GOLGB1: variants seen among roughly 807,000 people sequenced by gnomAD.
GOLGB1 encodes golgin subfamily B member 1.
GOLGB1 carries 174 observed loss-of-function variants against 336.9 expected under a neutral mutation model. The ratio of observed to expected loss-of-function variants is 0.52; its 90% CI spans 0.46 to 0.59. The LOEUF (loss-of-function observed/expected upper bound fraction) is 0.59, where lower values mean the gene tolerates loss of function less well. Among genes scored for constraint, GOLGB1 ranks in the 20% least tolerant of loss-of-function variants. GOLGB1 has a pLI of 0.00. For synonymous variants in GOLGB1, 1,208 were observed against 1,289.2 expected, an observed-to-expected ratio of 0.94 and a Z score of 1.35; for missense variants, 3,331 against 3,645.3, an observed-to-expected ratio of 0.91 and a Z score of 2.22.
Position 121,691,276 on chromosome 3 carries a change from T to C in GOLGB1, c.8088A>G (p.Ala2696=), listed in dbSNP as rs1265188992. Residue 2696 remains alanine (A), a synonymous_variant, in exon 14 of 22, where the codon GCA becomes GCG. Transcript: ENST00000614479. ...KKELKHLHHD[A]GIMRNETETA... Reference sequence around the variant, plus strand: ...TTTCAGTTTCATTTCTCATTATCCCTGCATCATGATGAAGATGCTTTAATT... The same window carrying C: ...TTTCAGTTTCATTTCTCATTATCCCCGCATCATGATGAAGATGCTTTAATT... 1.2e-6 allele frequency: 2 copies of C among 1,613,000 alleles called. No homozygotes were observed. Among genetic ancestry groups the C allele is most frequent in the Admixed American group, 3.3e-5 (2 of 59,998 alleles).
chr3:121,677,441 C>A lies in GOLGB1; in HGVS notation c.8883G>T (p.Lys2961Asn), dbSNP rs1405640245. Residue 2961 changes from lysine to asparagine, a missense_variant, in exon 16 of 22, where the codon AAG becomes AAT. Physicochemically the swap from Lys to Asn is moderately conservative, Grantham distance 94 (BLOSUM62 0). Transcript: ENST00000614479. ...QHELHQLRME[K>N]SSWEIHERRM... ...TCCTCTCATGTATTTCCCAGGAACT[C>A]TTCTCCATCCTAGAAAAAACATGAC... 1 of 1,605,622 alleles carries A rather than the reference C, an allele frequency of 6.2e-7. No homozygotes were observed. The highest frequency in any genetic ancestry group is 8.5e-7 in the Non-Finnish European group (1 of 1,172,834).
At chr3:121,720,220 T>A (rs1372640250) in intron 6 of GOLGB1, among the ~76,000 whole-genome samples, 6 of 152,180 alleles carry the variant, frequency 3.9e-5, no homozygotes, top group Non-Finnish European at 7.3e-5. Context: ...TTATTCAAGA[T>A]TCTCTACAAC....
chr3:121,698,971 T>C, intron 12 of GOLGB1, 42 bp from the exon 13 acceptor site: 1 of 1,409,596 alleles, frequency 7.1e-7, no homozygotes, highest in Non-Finnish European at 9.5e-7. Flanking sequence ...TCAAATGTTT[T>C]ATAACATTAA....
chr3:121,719,219 A>G (rs1305744516), intron 7 of GOLGB1, among the ~76,000 whole-genome samples: 1 of 152,212 alleles, frequency 6.6e-6, no homozygotes, highest in African/African-American at 2.4e-5. Flanking sequence ...AATCTACTCA[A>G]ATTTTTTTAA....
In GOLGB1 at chr3:121,695,658, A is replaced by C; in HGVS notation, c.4865T>G (p.Ile1622Ser). The change falls in exon 13 of 22, where the codon ATT becomes AGT. Residue 1622 changes from isoleucine to serine, a missense_variant. Physicochemically the swap from Ile to Ser is moderately radical, Grantham distance 142 (BLOSUM62 -2). Coordinates refer to ENST00000614479, the MANE Select transcript of GOLGB1 (RefSeq NM_001366282.2). ...KHKELQKEYEILLQSYENVSN... is the reference protein window; with the variant it reads ...KHKELQKEYESLLQSYENVSN... ...AACATTCTCATAGGACTGCAGAAGA[A>C]TTTCATACTCTTTTTGTAGCTCCTT... is the stretch of plus-strand genomic sequence containing the variant. 2 of 1,613,226 alleles carry C rather than the reference A, an allele frequency of 1.2e-6. No homozygotes were observed. The highest frequency in any genetic ancestry group is 1.7e-6 in the Non-Finnish European group (2 of 1,179,978).
chr3:121,673,852 C>G (rs548887906), intron 17 of GOLGB1, among the ~76,000 whole-genome samples: 1 of 152,278 alleles, frequency 6.6e-6, no homozygotes, highest in African/African-American at 2.4e-5. Context: ...ACCCGAGTAG[C>G]TGGGATTACA....
chr3:121,699,413 G>C (rs1214552238), intron 12 of GOLGB1, among the ~76,000 whole-genome samples: 2 of 152,052 alleles, frequency 1.3e-5, no homozygotes, highest in Non-Finnish European at 2.9e-5. Context: ...CCTTCTTATA[G>C]TAATTTTCAG....
rs1045394533 is a variant in GOLGB1, at chr3:121,711,642, C to G, written c.1404+3219G>C. Among the ~76,000 whole-genome samples the G allele has an allele frequency of 5.9e-5, 9 of 152,136 alleles. No homozygotes were observed. The South Asian group carries it at 1.9e-3, about 32-fold the overall frequency. On this transcript the variant is annotated intron_variant, in intron 10 of 21. Transcript: ENST00000614479. ...ATAAAATTAATTTGTTTATCAAGGT[C>G]ACAGAATATAAGCTTAATAAAATTC... is the stretch of plus-strand genomic sequence containing the variant.
chr3:121,740,885 A>G (rs941299147), intron 1 of GOLGB1, among the ~76,000 whole-genome samples: 5 of 152,096 alleles, frequency 3.3e-5, no homozygotes, highest in South Asian at 2.1e-4. Context: ...CCCACAATGT[A>G]CCTCAGAATG....
intron 20 of GOLGB1, among the ~76,000 whole-genome samples, chr3:121,666,825 T>C (rs926570639): frequency 3.9e-5 from 6 of 152,332 alleles, no homozygotes; most frequent in East Asian, 3.9e-4. Flanking sequence ...TATCCTCTCA[T>C]GCATAGTGAT....
chr3:121,745,557 C>A (rs1001161705), intron 1 of GOLGB1, among the ~76,000 whole-genome samples: 1 of 147,346 alleles, frequency 6.8e-6, no homozygotes. Flanking sequence ...CATATGTATA[C>A]GTGTATGTAT....
chr3:121,745,298 G>C (rs925031474), intron 1 of GOLGB1, among the ~76,000 whole-genome samples: 3 of 135,700 alleles, frequency 2.2e-5, no homozygotes, highest in African/African-American at 8.4e-5. Context: ...ATGTATACGT[G>C]TATGTATATA....
At position 121,664,476 on chromosome 3, in the gene GOLGB1, A is replaced by G; in HGVS notation, c.*4T>C. On this transcript the variant is annotated 3_prime_UTR_variant, in exon 22 of 22. Coordinates refer to ENST00000614479, the MANE Select transcript of GOLGB1 (RefSeq NM_001366282.2). ...GGGAGTGGTCCAAAGAGTAACAACT[A>G]AGTCTATAGATGGCCCGTAAAACAC... is the stretch of plus-strand genomic sequence containing the variant. The G allele has an allele frequency of 6.2e-7, 1 of 1,613,294 alleles. No individual in the cohort carries two copies. The highest frequency in any genetic ancestry group is 8.5e-7 in the Non-Finnish European group (1 of 1,179,252).
At chr3:121,675,072 A>G (rs1019299676) in intron 17 of GOLGB1, among the ~76,000 whole-genome samples, 1 of 151,080 alleles carries the variant, frequency 6.6e-6, no homozygotes, top group African/African-American at 2.4e-5. Flanking sequence ...TCCTGACCTC[A>G]TGATCCACCC....
intron 1 of GOLGB1, among the ~76,000 whole-genome samples, chr3:121,738,249 C>G (rs1330323065): frequency 6.6e-6 from 1 of 152,098 alleles, no homozygotes; most frequent in Admixed American, 6.5e-5. Context: ...CACTTTGGAA[C>G]AAAGAAAACA....
intron 10 of GOLGB1, among the ~76,000 whole-genome samples, chr3:121,714,572 A>C (rs757616207): frequency 1.7e-4 from 26 of 152,208 alleles, no homozygotes; most frequent in Non-Finnish European, 3.1e-4. Context: ...TACAGAAGCA[A>C]AAGTAATGAT....
At position 121,692,421 on chromosome 3, in the gene GOLGB1, A is replaced by G; in HGVS notation, c.6943T>C (p.Leu2315=). The change falls in exon 14 of 22, where the codon TTG becomes CTG. Residue 2315 remains leucine (L), a synonymous_variant. Transcript: ENST00000614479. ...TTGAGACTCTTAAGTTCTGATTCCA[A>G]CTTAGCTAATTCATTCTGAGAACTG... ...YHSSQNELAK[L]ESELKSLKDQ... is the part of the protein sequence containing the mutation. The G allele has an allele frequency of 1.2e-6, 2 of 1,613,788 alleles. No individual in the cohort carries two copies. Among genetic ancestry groups the G allele is most frequent in the South Asian group, 1.1e-5 (1 of 90,956 alleles).
rs1183998795 is a variant in GOLGB1 at position 121,668,166 on chromosome 3, A to G, written c.9322-8T>C. The G allele has an allele frequency of 1.3e-6, 2 of 1,496,814 alleles. No homozygotes were observed. The highest frequency in any genetic ancestry group is 2.8e-5 in the African/African-American group (2 of 71,606). 92.7% of individuals were successfully genotyped at this position (1,496,814 alleles called of 1,614,324 possible). ...ATCTATATTTAGTGGCCCCTGGAAG[A>G]AGAATAAGCTTAGTAATTCAGTGAT... is the stretch of plus-strand genomic sequence containing the variant. On this transcript the variant is annotated splice_polypyrimidine_tract_variant and splice_region_variant and intron_variant, in intron 18 of 21. Coordinates refer to ENST00000614479, the MANE Select transcript of GOLGB1 (RefSeq NM_001366282.2).
chr3:121,713,423 CATAAA>C (rs896012647), intron 10 of GOLGB1, among the ~76,000 whole-genome samples: 1 of 152,114 alleles, frequency 6.6e-6, no homozygotes. Context: ...TCAGCATGTT[CATAAA>C]ATAAAATACT....
Sources: gnomAD v4.1 joint callset for allele counts (sites outside exome capture counted in the v4.1 genomes callset) on GRCh38, gnomAD v4.1.1 for gene constraint, MANE v1.5 for transcripts, NCBI Gene and HGNC (gene_info 2026-07-23, HGNC 2026-07-21) for gene names.